The following ANKRD36 variants were observed in gnomAD, a reference collection of about 807,000 sequenced individuals.
ANKRD36 encodes ankyrin repeat domain 36.
Under a neutral mutation model 278.1 loss-of-function variants are expected in ANKRD36, and 179 were observed. That is an observed-to-expected ratio of 0.64 (90% CI 0.57 to 0.73). The LOEUF (loss-of-function observed/expected upper bound fraction) is 0.73, where lower values mean the gene tolerates loss of function less well. Ranked by LOEUF, ANKRD36 falls within the 30% of genes least tolerant of loss-of-function variation. ANKRD36 has a pLI of 0.00. For missense variants in ANKRD36, 1,159 were observed against 1,956.7 expected (o/e 0.59, Z 7.69); for synonymous variants, 320 against 641.1 (o/e 0.50, Z 7.57).
intron 20 of ANKRD36, among the ~76,000 whole-genome samples, chr2:97,167,044 A>G (rs916851100): frequency 3.3e-5 from 5 of 151,934 alleles, no homozygotes; most frequent in African/African-American, 9.7e-5. Flanking sequence ...CTAATTACAC[A>G]TTAGGTATTT....
At chr2:97,195,046 A>G (rs578168666) in intron 40 of ANKRD36, 129 bp downstream of exon 40, 6 of 1,362,116 alleles carry the variant, frequency 4.4e-6, no homozygotes, top group Middle Eastern at 2.6e-4. Context: ...CTTCATTTCT[A>G]ATAAGTTCTT....
chr2:97,204,632 G>A (rs993574276), intron 50 of ANKRD36, among the ~76,000 whole-genome samples: 4 of 151,466 alleles, frequency 2.6e-5, no homozygotes, highest in Non-Finnish European at 4.4e-5. Context: ...GCCAAGAAAA[G>A]ACAGAAAGCT....
rs764526652 is a variant in ANKRD36 at position 97,127,153 on chromosome 2, A to C, written c.799+19A>C. 54 of 1,116,280 alleles carry C rather than the reference A, an allele frequency of 4.8e-5. No individual in the cohort carries two copies. The highest frequency in any genetic ancestry group is 6.1e-5 in the Non-Finnish European group (49 of 797,644). 69.1% of individuals were successfully genotyped at this position (1,116,280 alleles called of 1,614,324 possible). ...AATCCAGGTAAGATTTCTGATAGTG[A>C]ATTACTCTTGATGGTACTACCATAG... On this transcript the variant is annotated intron_variant, in intron 6 of 75. Coordinates refer to ENST00000420699, the MANE Select transcript of ANKRD36 (RefSeq NM_001354587.1).
chr2:97,183,346 A>G, intron 26 of ANKRD36, 113 bp from the exon 27 acceptor site: 2 of 1,299,754 alleles, frequency 1.5e-6, no homozygotes, highest in East Asian at 2.6e-5. Context: ...AAAACATCAA[A>G]TCCTACACTA....
At chr2:97,132,894 G>A (rs1220373150) in intron 6 of ANKRD36, among the ~76,000 whole-genome samples, 1 of 152,066 alleles carries the variant, frequency 6.6e-6, no homozygotes, top group Admixed American at 6.6e-5. Context: ...CTACCAGTAT[G>A]AGTCTGACTA....
intron 38 of ANKRD36, among the ~76,000 whole-genome samples, chr2:97,193,291 G>C (rs1356495457): frequency 2.9e-5 from 4 of 139,700 alleles, no homozygotes; most frequent in African/African-American, 5.2e-5. Context: ...ATGGAGAGCA[G>C]TTCAAGGCAT....
chr2:97,233,561 G>A (rs2072911701), intron 67 of ANKRD36, among the ~76,000 whole-genome samples, 169 bp from the exon 68 acceptor site: 1 of 152,016 alleles, frequency 6.6e-6, no homozygotes. Flanking sequence ...TAGACCATGT[G>A]GTCTTCTGAA....
intron 12 of ANKRD36, among the ~76,000 whole-genome samples, chr2:97,151,379 A>G (rs1366742021): frequency 6.6e-6 from 1 of 152,080 alleles, no homozygotes; most frequent in Non-Finnish European, 1.5e-5. Context: ...AGCTTTTGAC[A>G]CGCTGAATAG....
At chr2:97,140,212 A>G (rs1574812304) in intron 6 of ANKRD36, among the ~76,000 whole-genome samples, 1 of 151,798 alleles carries the variant, frequency 6.6e-6, no homozygotes, top group African/African-American at 2.4e-5. Context: ...TTCATTTTTC[A>G]TGTCAATTAC....
At chr2:97,223,403 CACT>C (rs1221739697) in intron 66 of ANKRD36, among the ~76,000 whole-genome samples, 1 of 151,772 alleles carries the variant, frequency 6.6e-6, no homozygotes, top group Non-Finnish European at 1.5e-5. Flanking sequence ...CCAGCCTATA[CACT>C]ATTTTTGATG....
chr2:97,204,824 T>C (rs376052409), intron 50 of ANKRD36, among the ~76,000 whole-genome samples: 1 of 151,502 alleles, frequency 6.6e-6, no homozygotes, highest in Non-Finnish European at 1.5e-5. Context: ...TGGAATATTT[T>C]CATAAAAAAT....
intron 54 of ANKRD36, among the ~76,000 whole-genome samples, 153 bp from the exon 55 acceptor site, chr2:97,209,528 G>A (rs181500163): frequency 7.6e-3 from 1,095 of 144,996 alleles, no homozygotes; most frequent in Non-Finnish European, 6.6e-3. Flanking sequence ...GTGTATTTCT[G>A]TCATGTTCTG....
intron 30 of ANKRD36, among the ~76,000 whole-genome samples, chr2:97,186,151 C>T (rs1011629909): frequency 6.6e-6 from 1 of 151,796 alleles, no homozygotes; most frequent in Admixed American, 6.6e-5. Flanking sequence ...GGATAAACCA[C>T]ATTGACTAAT....
chr2:97,230,810 G>C (rs1246364023), intron 67 of ANKRD36, among the ~76,000 whole-genome samples: 16 of 152,076 alleles, frequency 1.1e-4, no homozygotes, highest in Admixed American at 1.0e-3. Context: ...TGTACAGATG[G>C]GTTTTTGATG....
intron 10 of ANKRD36, among the ~76,000 whole-genome samples, chr2:97,146,017 A>C (rs1194519122): frequency 6.6e-6 from 1 of 152,092 alleles, no homozygotes; most frequent in Admixed American, 6.6e-5. Context: ...GATGTCTTGT[A>C]TGAAAGATAT....
chr2:97,150,908 A>C (rs1283949801), intron 12 of ANKRD36, among the ~76,000 whole-genome samples: 1 of 150,668 alleles, frequency 6.6e-6, no homozygotes. Context: ...CTCTCTCTGT[A>C]GTAAGAATGT....
chr2:97,151,992 T>G (rs1574988604), intron 13 of ANKRD36, 53 bp downstream of exon 13: 1 of 1,275,290 alleles, frequency 7.8e-7, no homozygotes, highest in Non-Finnish European at 1.1e-6. Context: ...TTCATTTGTT[T>G]TTTTTTTTTC....
At chr2:97,149,269 T>C (rs2045254658) in intron 11 of ANKRD36, 26 bp from the exon 12 acceptor site, 1 of 1,526,450 alleles carries the variant, frequency 6.6e-7, no homozygotes, top group Admixed American at 2.0e-5. Context: ...ATGAGCTCAT[T>C]TTTGTAATAT....
intron 75 of ANKRD36, among the ~76,000 whole-genome samples, chr2:97,258,178 A>G (rs2076390231): frequency 6.9e-6 from 1 of 145,240 alleles, no homozygotes; most frequent in African/African-American, 2.4e-5. Context: ...ATTTCAATGT[A>G]AGGCTCTTCC....
Sources: allele counts gnomAD v4.1 joint callset (sites outside exome capture counted in the v4.1 genomes callset), GRCh38; gene constraint gnomAD v4.1.1; transcripts MANE v1.5; gene names NCBI Gene and HGNC (gene_info 2026-07-23, HGNC 2026-07-21).